ERMARD: variants seen among roughly 807,000 people sequenced by gnomAD.
ERMARD encodes endoplasmic reticulum membrane-associated RNA degradation protein.
In ERMARD, 71 loss-of-function variants were observed where a neutral mutation model predicts 83.9. That is an observed-to-expected ratio of 0.85 (90% CI 0.70 to 1.03). The LOEUF is 1.03. Ranked by LOEUF, ERMARD falls within the 50% of genes least tolerant of loss-of-function variation. The pLI, the probability that ERMARD is intolerant of heterozygous loss-of-function variation, is 0.00. For missense variants in ERMARD, 838 were observed against 810.9 expected (o/e 1.03, Z -0.41); for synonymous variants, 284 against 298.6 (o/e 0.95, Z 0.50).
intron 6 of ERMARD, among the ~76,000 whole-genome samples, chr6:169,759,509 T>C (rs1791247758): frequency 6.6e-6 from 1 of 152,084 alleles, no homozygotes; most frequent in South Asian, 2.1e-4. Context: ...AACCTCCTCC[T>C]CCCAGGCTTA....
At chr6:169,777,605 A>G (rs1793743023) in intron 16 of ERMARD, among the ~76,000 whole-genome samples, 1 of 152,224 alleles carries the variant, frequency 6.6e-6, no homozygotes, top group South Asian at 2.1e-4. Flanking sequence ...AAACACTTAC[A>G]ATGTTAAACA....
At position 169,762,471 on chromosome 6, in the gene ERMARD, T is replaced by C. The variant is rs373839754; in HGVS notation, c.900T>C (p.Thr300=). The change falls in exon 9 of 18, where the codon ACT becomes ACC. Residue 300 remains threonine (T), a synonymous_variant. Coordinates refer to ENST00000366773, the MANE Select transcript of ERMARD (RefSeq NM_018341.3). ...TATTGTTGCTGACACAACTGGAGAC[T>C]GGACTTAGGAATGTTTTTGCCACAC... ...CAILLLTQLE[T]GLRNVFATLN... 6.2e-6 allele frequency: 10 copies of C among 1,614,234 alleles called. No homozygotes were observed. Among genetic ancestry groups the C allele is most frequent in the Non-Finnish European group, 8.5e-6 (10 of 1,180,038 alleles).
chr6:169,778,994 A>G (rs981392087), intron 16 of ERMARD, among the ~76,000 whole-genome samples, 188 bp from the exon 17 acceptor site: 6 of 152,252 alleles, frequency 3.9e-5, no homozygotes, highest in Non-Finnish European at 5.9e-5. Flanking sequence ...AGCAAGGGCT[A>G]TGCTGGGCAC....
rs1793534015 is a variant in ERMARD at position 169,775,923 on chromosome 6, T to A, written c.1395-17T>A. Reference sequence around the variant, plus strand: ...ACTTTAATTGTCACGTATCTTTAAATATTTTCTGTTTTTCAGATTAGAAGA... The same window carrying A: ...ACTTTAATTGTCACGTATCTTTAAAAATTTTCTGTTTTTCAGATTAGAAGA... On this transcript the variant is annotated splice_polypyrimidine_tract_variant and intron_variant, in intron 14 of 17. Transcript: ENST00000366773. 1.9e-6 allele frequency: 3 copies of A among 1,613,716 alleles called. No homozygotes were observed. Among genetic ancestry groups the A allele is most frequent in the South Asian group, 2.2e-5 (2 of 90,974 alleles).
intron 14 of ERMARD, among the ~76,000 whole-genome samples, chr6:169,775,596 AGAAGTACCCTGAGTAGATAG>A (rs1266541783): frequency 6.6e-6 from 1 of 152,198 alleles, no homozygotes; most frequent in Admixed American, 6.5e-5. Flanking sequence ...GGCGTCCATG[AGAAGTACCCTGAGTAGATAG>A]GAAGAAAGAT....
chr6:169,763,975 C>A (rs949405448), intron 9 of ERMARD, among the ~76,000 whole-genome samples: 1 of 152,360 alleles, frequency 6.6e-6, no homozygotes, highest in East Asian at 1.9e-4. Flanking sequence ...TATCTTCTTT[C>A]AGAAAGGCGT....
At chr6:169,769,964 A>C (rs1031040556) in intron 12 of ERMARD, among the ~76,000 whole-genome samples, 6 of 152,232 alleles carry the variant, frequency 3.9e-5, no homozygotes, top group African/African-American at 1.4e-4. Flanking sequence ...ATGTAACAGC[A>C]GCTAAGTATT....
In ERMARD at chr6:169,759,016, C is replaced by CTT; in HGVS notation, c.556_557insTT (p.Arg186LeufsTer22). On this transcript the variant is annotated frameshift_variant, in exon 6 of 18. Transcript: ENST00000366773. LOFTEE classifies it high-confidence loss of function. The stretch of plus-strand genomic sequence containing the variant: ...TGGCTCTCCGTGTGGTCTCAACCTG[C>CTT]GTAACGTCTTATGGCATGGGTTTGC... 6.2e-7 allele frequency: 1 copy of CTT among 1,614,058 alleles called. No individual in the cohort carries two copies. Among genetic ancestry groups the CTT allele is most frequent in the Non-Finnish European group, 8.5e-7 (1 of 1,179,994 alleles).
intron 9 of ERMARD, among the ~76,000 whole-genome samples, chr6:169,766,112 C>T (rs1046872832): frequency 3.9e-5 from 6 of 152,338 alleles, no homozygotes; most frequent in African/African-American, 1.2e-4. Context: ...GCAGAGAAAA[C>T]CTGCATCTGT....
chr6:169,771,600 C>G (rs1032433873), intron 12 of ERMARD: 1 of 152,146 alleles, frequency 6.6e-6, no homozygotes, highest in Non-Finnish European at 1.5e-5. Context: ...GAAGCTTATT[C>G]AGGGACACAG....
At chr6:169,751,417 C>T, upstream of ERMARD, 1 of 1,614,174 alleles carries the variant, frequency 6.2e-7, no homozygotes, top group Non-Finnish European at 8.5e-7. Flanking sequence ...GGTTCGGGGT[C>T]TGGATGGGGC....
intron 1 of ERMARD, among the ~76,000 whole-genome samples, chr6:169,752,774 G>T (rs572890960): frequency 6.6e-6 from 1 of 152,316 alleles, no homozygotes; most frequent in East Asian, 1.9e-4. Flanking sequence ...GATGGTCTTA[G>T]TGTCATGTGG....
intron 3 of ERMARD, chr6:169,755,756 A>G: frequency 4.8e-6 from 1 of 209,904 alleles, no homozygotes; most frequent in Non-Finnish European, 9.5e-6. Flanking sequence ...GTGTTCTAAG[A>G]CAGTGGGGCC....
chr6:169,758,877 G>C lies in ERMARD; in HGVS notation c.508-91G>C, dbSNP rs1242937726. On this transcript the variant is annotated intron_variant, in intron 5 of 17. Coordinates refer to ENST00000366773, the MANE Select transcript of ERMARD (RefSeq NM_018341.3). ...TACTAGCCAAAACTGTTGACTCTCA[G>C]TTAAAAAGAGGAACACAAATGTTAT... is the stretch of plus-strand genomic sequence containing the variant. The C allele has an allele frequency of 4.9e-6, 6 of 1,219,776 alleles. No individual in the cohort carries two copies. The African/African-American group carries it at 9.1e-5, about 18-fold the overall frequency. 75.6% of individuals were successfully genotyped at this position (1,219,776 alleles called of 1,614,324 possible).
intron 7 of ERMARD, 117 bp from the exon 8 acceptor site, chr6:169,760,525 G>A: frequency 1.5e-6 from 1 of 686,906 alleles, no homozygotes; most frequent in Non-Finnish European, 2.5e-6. Context: ...CCTGCTGCAG[G>A]GGTCACGGTT....
rs775128511 is a variant in ERMARD at position 169,776,064 on chromosome 6, A to C, written c.1519A>C (p.Thr507Pro). Residue 507 changes from threonine to proline, a missense_variant and splice_region_variant, in exon 15 of 18, where the codon ACG (threonine) becomes CCG (proline). Coordinates refer to ENST00000366773, the MANE Select transcript of ERMARD (RefSeq NM_018341.3). ...GGACTTGGATCGTCTTCCTACTGAG[A>C]CGTAAGTTCCAGGACATCCTGACAA... ...LKDLDRLPTE[T>P]WPQLLRELCS... 6.8e-6 allele frequency: 11 copies of C among 1,613,178 alleles called. No individual in the cohort carries two copies. In the East Asian group the frequency reaches 8.9e-5, roughly 13 times the overall value.
intron 9 of ERMARD, among the ~76,000 whole-genome samples, chr6:169,764,657 C>CT (rs2128350534): frequency 6.6e-6 from 1 of 152,298 alleles, no homozygotes; most frequent in South Asian, 2.1e-4. Flanking sequence ...GTCCTGCTGC[C>CT]TGCCAGATGG....
chr6:169,756,472 T>C, intron 4 of ERMARD, 33 bp downstream of exon 4: 1 of 1,420,162 alleles, frequency 7.0e-7, no homozygotes, highest in Admixed American at 2.0e-5. Flanking sequence ...TATTGGCCCA[T>C]TAAATTATCT....
chr6:169,770,731 T>C (rs894475103), intron 12 of ERMARD: 8 of 152,080 alleles, frequency 5.3e-5, no homozygotes, highest in Admixed American at 2.6e-4. Flanking sequence ...GCCATCCTCT[T>C]ACCTCAGCCT....
Sources: gnomAD v4.1 joint callset for allele counts (sites outside exome capture counted in the v4.1 genomes callset) on GRCh38, gnomAD v4.1.1 for gene constraint, MANE v1.5 for transcripts, NCBI Gene and HGNC (gene_info 2026-07-23, HGNC 2026-07-21) for gene names.